Variants in EPHA6 observed in about 807,000 individuals in gnomAD.
The protein encoded by EPHA6 is EPH receptor A6, also known as ephrin type-A receptor 6.
EPHA6 carries 50 observed loss-of-function variants against 112.0 expected under a neutral mutation model. The ratio of observed to expected loss-of-function variants is 0.45; its 90% CI spans 0.36 to 0.56. The LOEUF (loss-of-function observed/expected upper bound fraction) is 0.56, where lower values mean the gene tolerates loss of function less well. Among genes scored for constraint, EPHA6 ranks in the 20% least tolerant of loss-of-function variants. The pLI is 0.00. For synonymous variants in EPHA6, 529 were observed against 490.7 expected, an observed-to-expected ratio of 1.08 and a Z score of -1.03; for missense variants, 1,280 against 1,417.4, an observed-to-expected ratio of 0.90 and a Z score of 1.56.
At chr3:97,718,809 T>C (rs2034373390) in intron 14 of EPHA6, among the ~76,000 whole-genome samples, 2 of 152,200 alleles carry the variant, frequency 1.3e-5, no homozygotes, top group African/African-American at 4.8e-5. Flanking sequence ...ACAGAATCCC[T>C]GTGCTTAAGT....
chr3:97,570,985 G>A (rs968199805), intron 11 of EPHA6, among the ~76,000 whole-genome samples: 5 of 152,134 alleles, frequency 3.3e-5, no homozygotes, highest in Non-Finnish European at 7.3e-5. Flanking sequence ...TGTTGAGAAT[G>A]AAAGGGTCAG....
At chr3:97,166,541 T>C (rs2076547529) in intron 3 of EPHA6, among the ~76,000 whole-genome samples, 1 of 152,116 alleles carries the variant, frequency 6.6e-6, no homozygotes, top group Non-Finnish European at 1.5e-5. Flanking sequence ...CAAAAATCCA[T>C]ATTTATTCAT....
intron 5 of EPHA6, among the ~76,000 whole-genome samples, chr3:97,294,374 T>G (rs1214678407): frequency 6.6e-6 from 1 of 152,212 alleles, no homozygotes; most frequent in African/African-American, 2.4e-5. Context: ...ATAATTAAGG[T>G]CTTTTTCCAT....
intron 10 of EPHA6, among the ~76,000 whole-genome samples, chr3:97,532,152 A>T (rs191021053): frequency 6.6e-6 from 1 of 152,222 alleles, no homozygotes; most frequent in East Asian, 1.9e-4. Flanking sequence ...ATAGCACATG[A>T]AAATGCATTC....
intron 3 of EPHA6, among the ~76,000 whole-genome samples, chr3:97,045,291 A>C (rs1219667712): frequency 6.6e-6 from 1 of 152,032 alleles, no homozygotes; most frequent in Non-Finnish European, 1.5e-5. Context: ...TATATAGTTC[A>C]GTCAAGATTA....
intron 7 of EPHA6, among the ~76,000 whole-genome samples, chr3:97,454,047 A>G (rs1461157111): frequency 1.3e-5 from 2 of 151,744 alleles, no homozygotes; most frequent in African/African-American, 4.8e-5. Flanking sequence ...AAATTAGATT[A>G]TTTGGATGCT....
intron 5 of EPHA6, among the ~76,000 whole-genome samples, chr3:97,371,552 C>T (rs1020951926): frequency 1.3e-5 from 2 of 152,060 alleles, no homozygotes; most frequent in South Asian, 2.1e-4. Context: ...GGAAGAATGT[C>T]GCCTCAGGAC....
rs533254710 is a variant in EPHA6, at chr3:97,440,936, C to T, written c.1732-7632C>T. Among the ~76,000 whole-genome samples the T allele has an allele frequency of 1.6e-4, 24 of 151,822 alleles. No individual in the cohort carries two copies. The South Asian group carries it at 2.3e-3, about 14-fold the overall frequency. ...ATATAAAGGAAATATAATAATTTTA[C>T]GGTAATTATCAAAACTGAATAAGGA... On this transcript the variant is annotated intron_variant, in intron 6 of 17. Coordinates refer to ENST00000389672, the MANE Select transcript of EPHA6 (RefSeq NM_001080448.3).
At chr3:97,486,421 T>G (rs1157764706) in intron 10 of EPHA6, among the ~76,000 whole-genome samples, 1 of 152,246 alleles carries the variant, frequency 6.6e-6, no homozygotes, top group Non-Finnish European at 1.5e-5. Context: ...ATAGCCCTTT[T>G]TATGCTGCTC....
chr3:97,433,868 G>A (rs965697304), intron 6 of EPHA6, among the ~76,000 whole-genome samples: 3 of 152,114 alleles, frequency 2.0e-5, no homozygotes, highest in South Asian at 2.1e-4. Context: ...CCCTGGACAC[G>A]GGATACATGA....
At chr3:97,519,172 A>G (rs1404986294) in intron 10 of EPHA6, among the ~76,000 whole-genome samples, 1 of 152,070 alleles carries the variant, frequency 6.6e-6, no homozygotes, top group Non-Finnish European at 1.5e-5. Context: ...TGACTTTTGT[A>G]TATGGTGAGA....
At chr3:97,355,692 T>A (rs900995998) in intron 5 of EPHA6, among the ~76,000 whole-genome samples, 1 of 152,094 alleles carries the variant, frequency 6.6e-6, no homozygotes, top group East Asian at 1.9e-4. Flanking sequence ...AATAACAACA[T>A]TGAAAGTTAA....
intron 2 of EPHA6, among the ~76,000 whole-genome samples, chr3:96,947,324 T>G (rs1384356813): frequency 1.3e-5 from 2 of 152,210 alleles, no homozygotes; most frequent in Non-Finnish European, 2.9e-5. Context: ...GTCTAACATT[T>G]AAGTCATTAA....
chr3:97,255,250 G>A (rs2108607029), intron 5 of EPHA6, among the ~76,000 whole-genome samples: 1 of 151,784 alleles, frequency 6.6e-6, no homozygotes, highest in Admixed American at 6.6e-5. Flanking sequence ...GGTTCCAGAG[G>A]AGAAGACTCA....
At chr3:97,567,900 A>G (rs2093288101) in intron 11 of EPHA6, among the ~76,000 whole-genome samples, 1 of 152,190 alleles carries the variant, frequency 6.6e-6, no homozygotes, top group Non-Finnish European at 1.5e-5. Context: ...CAGAGTGGGA[A>G]AGTCATGGCA....
At chr3:96,900,970 C>T (rs34825726) in intron 2 of EPHA6, among the ~76,000 whole-genome samples, 3 of 152,160 alleles carry the variant, frequency 2.0e-5, no homozygotes, top group African/African-American at 7.2e-5. Flanking sequence ...ATACATTAAC[C>T]TAACAAGCCA....
intron 2 of EPHA6, among the ~76,000 whole-genome samples, chr3:96,874,042 C>A (rs901238587): frequency 6.6e-6 from 1 of 152,058 alleles, no homozygotes; most frequent in Non-Finnish European, 1.5e-5. Flanking sequence ...TCATGTCAAT[C>A]CCAAAGCCAA....
intron 2 of EPHA6, among the ~76,000 whole-genome samples, chr3:96,941,833 A>T (rs9844877): frequency 6.6e-6 from 1 of 151,992 alleles, no homozygotes; most frequent in Non-Finnish European, 1.5e-5. Context: ...ACCCTCAGCT[A>T]CAGGTCTGTT....
intron 3 of EPHA6, among the ~76,000 whole-genome samples, chr3:97,059,313 C>A (rs1559700457): frequency 1.3e-5 from 2 of 152,148 alleles, no homozygotes; most frequent in Admixed American, 6.5e-5. Flanking sequence ...AAACACACAT[C>A]TTTCCTTGCA....
Sources: allele counts gnomAD v4.1 joint callset (sites outside exome capture counted in the v4.1 genomes callset), GRCh38; gene constraint gnomAD v4.1.1; transcripts MANE v1.5; gene names NCBI Gene and HGNC (gene_info 2026-07-23, HGNC 2026-07-21).